XIRP2: variants seen among roughly 807,000 people sequenced by gnomAD.
The protein encoded by XIRP2 is xin actin-binding repeat-containing protein 2.
Under a neutral mutation model 277.0 loss-of-function variants are expected in XIRP2, and 236 were observed. That is an observed-to-expected ratio of 0.85 (90% CI 0.77 to 0.95). XIRP2 has a LOEUF of 0.95. Ranked by LOEUF, XIRP2 falls within the 40% of genes least tolerant of loss-of-function variation. The pLI, the probability that XIRP2 is intolerant of heterozygous loss-of-function variation, is 0.00. For synonymous variants in XIRP2, 1,490 were observed against 1,416.5 expected (o/e 1.05, Z -1.17); for missense variants, 4,640 against 4,157.5 (o/e 1.12, Z -3.19).
intron 2 of XIRP2, among the ~76,000 whole-genome samples, chr2:167,063,199 C>T (rs758208574): frequency 6.6e-6 from 1 of 151,700 alleles, no homozygotes; most frequent in Non-Finnish European, 1.5e-5. Context: ...GTTGCTTTTT[C>T]ATGTGAGCAT....
At chr2:166,920,065 C>G (rs1684997047) in intron 2 of XIRP2, among the ~76,000 whole-genome samples, 1 of 152,094 alleles carries the variant, frequency 6.6e-6, no homozygotes, top group Non-Finnish European at 1.5e-5. Context: ...TCGCCTCATG[C>G]TAACATTCGT....
At chr2:166,937,090 C>T (rs1220877157) in intron 2 of XIRP2, among the ~76,000 whole-genome samples, 1 of 151,626 alleles carries the variant, frequency 6.6e-6, no homozygotes, top group African/African-American at 2.4e-5. Context: ...TTATTTCTTT[C>T]TCCTGCCTGA....
chr2:166,896,501 AAAG>A (rs1448447726), intron 1 of XIRP2, among the ~76,000 whole-genome samples: 2 of 151,850 alleles, frequency 1.3e-5, no homozygotes, highest in Non-Finnish European at 1.5e-5. Flanking sequence ...AGTAAAAAAA[AAAG>A]AAAAAGTTTA....
chr2:167,165,930 T>G (rs1692510030), intron 3 of XIRP2, among the ~76,000 whole-genome samples: 1 of 152,214 alleles, frequency 6.6e-6, no homozygotes, highest in African/African-American at 2.4e-5. Flanking sequence ...TCATCTAGAT[T>G]TTGTATTATC....
chr2:166,901,736 C>G (rs1389905035), intron 1 of XIRP2, among the ~76,000 whole-genome samples: 1 of 152,062 alleles, frequency 6.6e-6, no homozygotes, highest in East Asian at 1.9e-4. Context: ...GATCAGTTTT[C>G]CAAACAGGTA....
intron 3 of XIRP2, among the ~76,000 whole-genome samples, chr2:167,201,234 GAA>G (rs1559018243): frequency 1.4e-3 from 138 of 101,204 alleles, no homozygotes; most frequent in African/African-American, 7.8e-3. Context: ...AAGAAAGAAA[GAA>G]AGAAAGAAAG....
At chr2:167,128,782 A>G (rs953292815) in intron 2 of XIRP2, among the ~76,000 whole-genome samples, 1 of 152,022 alleles carries the variant, frequency 6.6e-6, no homozygotes, top group South Asian at 2.1e-4. Flanking sequence ...TTTCTTTATT[A>G]TCACACTCTT....
At chr2:166,976,226 A>G (rs568040316) in intron 2 of XIRP2, among the ~76,000 whole-genome samples, 1 of 152,216 alleles carries the variant, frequency 6.6e-6, no homozygotes, top group South Asian at 2.1e-4. Flanking sequence ...ATCATTGTTC[A>G]TATCTCCTTG....
At chr2:167,210,154 TATA>T (rs1374908594) in intron 3 of XIRP2, among the ~76,000 whole-genome samples, 1 of 152,200 alleles carries the variant, frequency 6.6e-6, no homozygotes, top group Admixed American at 6.5e-5. Flanking sequence ...ATCCACAGCC[TATA>T]ATATTCACAA....
At chr2:166,919,546 G>C (rs1187592690) in intron 2 of XIRP2, among the ~76,000 whole-genome samples, 1 of 152,134 alleles carries the variant, frequency 6.6e-6, no homozygotes, top group East Asian at 1.9e-4. Flanking sequence ...TTAGATGTCA[G>C]ATTTCTTTGT....
intron 2 of XIRP2, among the ~76,000 whole-genome samples, chr2:167,085,483 G>A (rs368002478): frequency 0.066 from 9,822 of 149,884 alleles, 404 homozygotes; most frequent in South Asian, 0.14. Context: ...GCTGAGTTCA[G>A]TTCCTGGGTA....
chr2:167,225,625 C>T (rs1573973114), intron 5 of XIRP2, among the ~76,000 whole-genome samples: 1 of 152,156 alleles, frequency 6.6e-6, no homozygotes, highest in African/African-American at 2.4e-5. Flanking sequence ...TACTCATGAA[C>T]CTTCCACAGG....
chr2:167,251,841 G>A lies in XIRP2; in HGVS notation c.10449G>A (p.Thr3483=), dbSNP rs186691484. ...AAGTAAGAAAAAATTTTCAAAAGAC[G>A]TGGCAAGAGAGTGGAAGAGTTTTTA... ...PKEVRKNFQK[T]WQESGRVFKG... The change falls in exon 9 of 11, where the codon ACG becomes ACA. Residue 3483 remains threonine, a synonymous_variant. Coordinates refer to ENST00000409195, the MANE Select transcript of XIRP2 (RefSeq NM_152381.6). The A allele has an allele frequency of 1.3e-4, 213 of 1,613,020 alleles. No individual in the cohort carries two copies. The East Asian group carries it at 1.7e-3, about 12-fold the overall frequency.
chr2:167,140,000 T>A lies in XIRP2; in HGVS notation c.562+3938T>A, dbSNP rs1691663690. On this transcript the variant is annotated intron_variant, in intron 3 of 10. Coordinates refer to ENST00000409195, the MANE Select transcript of XIRP2 (RefSeq NM_152381.6). ...GCTAATTATTCATTTTAAGTGATCC[T>A]CTATCTGCCAATTTACCTTTATTAA... Among the ~76,000 whole-genome samples the A allele has an allele frequency of 4.0e-5, 6 of 151,486 alleles. No individual in the cohort carries two copies. The South Asian group carries it at 1.3e-3, about 32-fold the overall frequency.
At chr2:166,932,062 A>G (rs1685355904) in intron 2 of XIRP2, among the ~76,000 whole-genome samples, 1 of 151,980 alleles carries the variant, frequency 6.6e-6, no homozygotes, top group African/African-American at 2.4e-5. Flanking sequence ...ATCTTCTTTT[A>G]TGTATCACTT....
Position 167,251,481 on chromosome 2 carries a change from C to G in XIRP2, c.10089C>G (p.Asn3363Lys). The change falls in exon 9 of 11, where the codon AAC becomes AAG. Residue 3363 changes from asparagine to lysine, a missense_variant. Asn to Lys is a moderately conservative substitution (Grantham distance 94, BLOSUM62 0). Coordinates refer to ENST00000409195, the MANE Select transcript of XIRP2 (RefSeq NM_152381.6). ...RVYAKGETNH[N>K]IQQESRTFCK... ...ATGCAAAGGGAGAAACAAACCATAA[C>G]ATACAACAAGAAAGTCGTACATTTT... The G allele has an allele frequency of 6.2e-7, 1 of 1,613,518 alleles. No individual in the cohort carries two copies. The highest frequency in any genetic ancestry group is 8.5e-7 in the Non-Finnish European group (1 of 1,179,658).
intron 2 of XIRP2, among the ~76,000 whole-genome samples, chr2:167,007,866 A>G (rs1398731354): frequency 6.6e-6 from 1 of 151,674 alleles, no homozygotes; most frequent in Non-Finnish European, 1.5e-5. Context: ...AAGGGGAAGT[A>G]TTAGACAAGT....
At chr2:167,048,304 T>C (rs908730776) in intron 2 of XIRP2, among the ~76,000 whole-genome samples, 10 of 152,036 alleles carry the variant, frequency 6.6e-5, no homozygotes, top group Non-Finnish European at 1.5e-4. Context: ...TTCAATACTA[T>C]ACAATCTCTT....
chr2:167,009,353 T>A (rs1256944107), intron 2 of XIRP2, among the ~76,000 whole-genome samples: 1 of 151,864 alleles, frequency 6.6e-6, no homozygotes, highest in Non-Finnish European at 1.5e-5. Context: ...CTGAGAATGA[T>A]GCTTTCCAAT....
Sources: gnomAD v4.1 joint callset for allele counts (sites outside exome capture counted in the v4.1 genomes callset) on GRCh38, gnomAD v4.1.1 for gene constraint, MANE v1.5 for transcripts, NCBI Gene and HGNC (gene_info 2026-07-23, HGNC 2026-07-21) for gene names.